CARS1: variants seen among roughly 807,000 people sequenced by gnomAD.
CARS1 encodes cysteinyl-tRNA synthetase 1.
A neutral mutation model predicts 106.2 loss-of-function variants in CARS1; 48 were observed. That is an observed-to-expected ratio of 0.45 (90% CI 0.36 to 0.57). The LOEUF is 0.57. Among genes scored for constraint, CARS1 ranks in the 20% least tolerant of loss-of-function variants. The probability of loss-of-function intolerance (pLI) is 0.00; values close to 1 mark genes in which losing one functional copy is unlikely to be tolerated. For missense variants in CARS1, 968 were observed against 1,057.2 expected (o/e 0.92, Z 1.17); for synonymous variants, 409 against 403.4 (o/e 1.01, Z -0.17).
chr11:3,050,345 C>T lies in CARS1; in HGVS notation c.26-2344G>A, dbSNP rs779189313. 2.0e-5 allele frequency among the ~76,000 whole-genome samples: 3 copies of T among 152,172 alleles called. No homozygotes were observed. Among genetic ancestry groups the T allele is most frequent in the African/African-American group, 4.8e-5 (2 of 41,434 alleles). On this transcript the variant is annotated intron_variant, in intron 1 of 22. Transcript: ENST00000380525. The surrounding 1 kb of genome is among the most constrained non-coding windows in gnomAD (Gnocchi z 6.3). The stretch of plus-strand genomic sequence containing the variant: ...GCCACCCACTCCAAGCAGCCACAGG[C>T]ACCCAGAAGCAAAGCTCTGGGCACA...
chr11:3,007,258 A>C (rs1849973158), intron 18 of CARS1: 2 of 441,120 alleles, frequency 4.5e-6, no homozygotes, highest in Admixed American at 4.0e-5. Flanking sequence ...GGCCGCCGGA[A>C]GCAGTTCTTC....
At position 3,038,098 on chromosome 11, in the gene CARS1, T is replaced by C. The variant is rs758655343; in HGVS notation, c.753A>G (p.Lys251=). The part of the protein sequence containing the change: ...AVQLATEPLE[K]AVQSRLTGEE... ...CTCCCGTGAGTCTGGACTGCACAGC[T>C]TTCTCAAGTGGCTCTGTGGCAAGCT... The change falls in exon 7 of 23, where the codon AAA becomes AAG. Residue 251 remains lysine, a synonymous_variant. Transcript: ENST00000380525. This position sits in a 1 kb window ranked among gnomAD's most constrained non-coding sequence, Gnocchi z 4.0. 1 of 1,614,214 alleles carries C rather than the reference T, an allele frequency of 6.2e-7. No individual in the cohort carries two copies. The highest frequency in any genetic ancestry group is 8.5e-7 in the Non-Finnish European group (1 of 1,180,018).
Position 3,040,499 on chromosome 11 carries a change from G to C in CARS1, c.455+397C>G. ...CTACAGCCATGACCATCCAGTGGTC[G>C]GGGGGCGGTCACAGCCAACCCAGCG... On this transcript the variant is annotated intron_variant, in intron 4 of 22. Coordinates refer to ENST00000380525, the MANE Select transcript of CARS1 (RefSeq NM_001014437.3). This position sits in a 1 kb window ranked among gnomAD's most constrained non-coding sequence, Gnocchi z 5.8. The C allele has an allele frequency of 8.5e-6, 4 of 473,196 alleles. No individual in the cohort carries two copies. The highest frequency in any genetic ancestry group is 4.6e-5 in the South Asian group (3 of 64,636). 29.3% of individuals were successfully genotyped at this position (473,196 alleles called of 1,614,324 possible).
chr11:3,002,162 C>G lies in CARS1; in HGVS notation c.2278-109G>C. ...AGCCCTCAACTTGCTTCCAAGCCCT[C>G]AGATTCAGAGTGCTATGAAAGATGG... is the stretch of plus-strand genomic sequence containing the variant. On this transcript the variant is annotated intron_variant, in intron 21 of 22. Transcript: ENST00000380525. The G allele has an allele frequency of 3.8e-6, 3 of 789,832 alleles. No individual in the cohort carries two copies. In the South Asian group the frequency reaches 4.5e-5, roughly 12 times the overall value. The allele number at this position is 789,832 out of a possible 1,614,324, so 48.9% of individuals were successfully genotyped here.
rs944422096 is a variant in CARS1, at chr11:3,048,920, C to G, written c.26-919G>C. Among the ~76,000 whole-genome samples, 1 of 152,164 alleles carries G rather than the reference C, an allele frequency of 6.6e-6. No individual in the cohort carries two copies. Among genetic ancestry groups the G allele is most frequent in the Non-Finnish European group, 1.5e-5 (1 of 68,020 alleles). Reference sequence around the variant, plus strand: ...ACCACTCAGGTGTGTCACTCAAGGACCCAAGAGCCACTGTTCCGCATGTCA... The same window carrying G: ...ACCACTCAGGTGTGTCACTCAAGGAGCCAAGAGCCACTGTTCCGCATGTCA... On this transcript the variant is annotated intron_variant, in intron 1 of 22. Transcript: ENST00000380525. The surrounding 1 kb of genome is among the most constrained non-coding windows in gnomAD (Gnocchi z 5.1).
chr11:3,041,658 ATCACTGGAG>A lies in CARS1; in HGVS notation c.366+498_366+506del, dbSNP rs1854471015. 6.6e-6 allele frequency among the ~76,000 whole-genome samples: 1 copy of A among 152,086 alleles called. No homozygotes were observed. Among genetic ancestry groups the A allele is most frequent in the Non-Finnish European group, 1.5e-5 (1 of 68,016 alleles). ...AGCCCCGCCCAGAGCCTGGTCTGAAATCACTGGAGTCACTGGCCATGCCCTGAGCCAAGC... is the reference window on the plus strand; with the variant it reads ...AGCCCCGCCCAGAGCCTGGTCTGAAATCACTGGCCATGCCCTGAGCCAAGC... On this transcript the variant is annotated intron_variant, in intron 3 of 22. Transcript: ENST00000380525. This position sits in a 1 kb window ranked among gnomAD's most constrained non-coding sequence, Gnocchi z 4.9.
intron 1 of CARS1, among the ~76,000 whole-genome samples, chr11:3,049,530 A>T (rs1254176576): frequency 6.6e-6 from 1 of 152,228 alleles, no homozygotes; most frequent in Non-Finnish European, 1.5e-5. Flanking sequence ...CCCTGAGCCC[A>T]TGAGCACAGG....
Position 3,017,809 on chromosome 11 carries a change from T to C in CARS1, c.1727+48A>G, listed in dbSNP as rs1181577136. On this transcript the variant is annotated intron_variant, in intron 15 of 22. Coordinates refer to ENST00000380525, the MANE Select transcript of CARS1 (RefSeq NM_001014437.3). This position sits in a 1 kb window ranked among gnomAD's most constrained non-coding sequence, Gnocchi z 4.9. ...GGTGGCCAAGATGCGAGGCTAGGCA[T>C]AGAACATGGGCATGCTCAAAAACCC... The C allele has an allele frequency of 2.3e-6, 3 of 1,290,780 alleles. No homozygotes were observed. Among genetic ancestry groups the C allele is most frequent in the East Asian group, 2.3e-5 (1 of 43,372 alleles). 80.0% of individuals were successfully genotyped at this position (1,290,780 alleles called of 1,614,324 possible).
Position 3,029,646 on chromosome 11 carries a change from T to C in CARS1, c.802-203A>G. The C allele has an allele frequency of 1.7e-6, 1 of 577,454 alleles. No homozygotes were observed. The highest frequency in any genetic ancestry group is 3.0e-6 in the Non-Finnish European group (1 of 330,482). The allele number at this position is 577,454 out of a possible 1,614,324, so 35.8% of individuals were successfully genotyped here. A position where few individuals can be genotyped will look rare whatever the true frequency, so the allele number is the denominator to read the frequency against. ...ATACAAGACTCTACAAATGGGCAGG[T>C]CTCACATGAACTCAGAGGAGCAAAG... is the stretch of plus-strand genomic sequence containing the variant. On this transcript the variant is annotated intron_variant, in intron 7 of 22. Transcript: ENST00000380525. This position sits in a 1 kb window ranked among gnomAD's most constrained non-coding sequence, Gnocchi z 5.9.
At chr11:3,010,840 C>A (rs7108154) in intron 18 of CARS1, among the ~76,000 whole-genome samples, 4,892 of 152,318 alleles carry the variant, frequency 0.032, 268 homozygotes, top group African/African-American at 0.11. Context: ...CTCCTAGAGG[C>A]TTGCTGGGTC....
At position 3,019,421 on chromosome 11, in the gene CARS1, C is replaced by A. The variant is rs555002322; in HGVS notation, c.1267-154G>T. Among the ~76,000 whole-genome samples, 2 of 152,244 alleles carry A rather than the reference C, an allele frequency of 1.3e-5. No individual in the cohort carries two copies. The highest frequency in any genetic ancestry group is 2.1e-4 in the South Asian group (1 of 4,818). ...ATGAAAAGACTAAGGGAAGGCTGGG[C>A]GAGATGGCTCACACCTGTAATCCCA... On this transcript the variant is annotated intron_variant, in intron 11 of 22. Coordinates refer to ENST00000380525, the MANE Select transcript of CARS1 (RefSeq NM_001014437.3). This position sits in a 1 kb window ranked among gnomAD's most constrained non-coding sequence, Gnocchi z 6.2.
In CARS1 at chr11:3,026,762, G is replaced by A. The variant is rs147127246; in HGVS notation, c.1067C>T (p.Ala356Val). ...VSNGSVYFDTAKFASSEKHSY... is the reference protein window; with the variant it reads ...VSNGSVYFDTVKFASSEKHSY... ...GTGCTTCTCGCTAGAAGCAAACTTC[G>A]CTGTATCAAAGTAGACAGACCCATT... Residue 356 changes from alanine to valine, a missense_variant, in exon 10 of 23, where the codon GCG becomes GTG. By Grantham distance (64) the Ala-to-Val change is moderately conservative. Transcript: ENST00000380525. 10 of 1,613,702 alleles carry A rather than the reference G, an allele frequency of 6.2e-6. No homozygotes were observed. Among genetic ancestry groups the A allele is most frequent in the South Asian group, 1.1e-5 (1 of 90,964 alleles).
At position 3,045,116 on chromosome 11, in the gene CARS1, T is replaced by C. The variant is rs534096456; in HGVS notation, c.274+2637A>G. ...CGGGCTGGAAGGGCTGAGCCTCCAC[T>C]GCGGGTGAGAAGTGCTCAACAAGTT... is the stretch of plus-strand genomic sequence containing the variant. On this transcript the variant is annotated intron_variant, in intron 2 of 22. Transcript: ENST00000380525. This position sits in a 1 kb window ranked among gnomAD's most constrained non-coding sequence, Gnocchi z 5.6. Among the ~76,000 whole-genome samples the C allele has an allele frequency of 9.9e-5, 15 of 152,212 alleles. No homozygotes were observed. Among genetic ancestry groups the C allele is most frequent in the African/African-American group, 3.4e-4 (14 of 41,538 alleles).
At chr11:3,057,109 G>C (rs1014236965) in intron 1 of CARS1, among the ~76,000 whole-genome samples, 1 of 151,932 alleles carries the variant, frequency 6.6e-6, no homozygotes, top group Non-Finnish European at 1.5e-5. Flanking sequence ...ACACCCCTCA[G>C]ACCCCGAGCA....
At position 3,030,952 on chromosome 11, in the gene CARS1, T is replaced by G. The variant is rs1276568510; in HGVS notation, c.802-1509A>C. Reference sequence around the variant, plus strand: ...ACAGAACTGAAGAAGTCATCCAAAATGAAACAGAGACAAGAAGGAAAATTT... The same window carrying G: ...ACAGAACTGAAGAAGTCATCCAAAAGGAAACAGAGACAAGAAGGAAAATTT... On this transcript the variant is annotated intron_variant, in intron 7 of 22. Transcript: ENST00000380525. This position sits in a 1 kb window ranked among gnomAD's most constrained non-coding sequence, Gnocchi z 5.7. 2 of 151,906 alleles carry G rather than the reference T, an allele frequency of 1.3e-5. No individual in the cohort carries two copies. The highest frequency in any genetic ancestry group is 4.8e-5 in the African/African-American group (2 of 41,306). The allele number at this position is 151,906 out of a possible 1,614,324, so 9.4% of individuals were successfully genotyped here. A position where few individuals can be genotyped will look rare whatever the true frequency, so the allele number is the denominator to read the frequency against.
Position 3,005,032 on chromosome 11 carries a change from A to G in CARS1, c.2217+334T>C, listed in dbSNP as rs183387169. On this transcript the variant is annotated intron_variant, in intron 20 of 22. Coordinates refer to ENST00000380525, the MANE Select transcript of CARS1 (RefSeq NM_001014437.3). ...CTGAGGCAGGAGAATCCCTTGAACC[A>G]GGGAAGTGGAGGTTGCAGTGAGCCA... is the stretch of plus-strand genomic sequence containing the variant. 5.6e-3 allele frequency among the ~76,000 whole-genome samples: 818 copies of G among 146,090 alleles called. 8 individuals carry two copies. Among genetic ancestry groups the G allele is most frequent in the Middle Eastern group, 0.027 (7 of 264 alleles).
chr11:3,054,680 C>G (rs564095261), intron 1 of CARS1, among the ~76,000 whole-genome samples: 1 of 152,224 alleles, frequency 6.6e-6, no homozygotes, highest in South Asian at 2.1e-4. Flanking sequence ...CTTGACTTCT[C>G]TGAACCTCAG....
intron 7 of CARS1, chr11:3,031,065 G>A (rs1457760433): frequency 6.6e-6 from 1 of 152,186 alleles, no homozygotes; most frequent in East Asian, 1.9e-4. Context: ...AGAGGAGAGA[G>A]GGAATCGAGT....
Position 3,037,827 on chromosome 11 carries a change from G to T in CARS1, c.801+223C>A, listed in dbSNP as rs929235314. 5.3e-5 allele frequency among the ~76,000 whole-genome samples: 8 copies of T among 151,878 alleles called. No homozygotes were observed. Among genetic ancestry groups the T allele is most frequent in the Non-Finnish European group, 5.9e-5 (4 of 67,928 alleles). On this transcript the variant is annotated intron_variant, in intron 7 of 22. Coordinates refer to ENST00000380525, the MANE Select transcript of CARS1 (RefSeq NM_001014437.3). The surrounding 1 kb of genome is among the most constrained non-coding windows in gnomAD (Gnocchi z 5.9). ...GTGGATCCCGAGTCTCCTTCCAGTGGCACAGGCTCTGCACCCAGGAAATGG... is the reference window on the plus strand; with the variant it reads ...GTGGATCCCGAGTCTCCTTCCAGTGTCACAGGCTCTGCACCCAGGAAATGG...
Sources: allele counts gnomAD v4.1 joint callset (sites outside exome capture counted in the v4.1 genomes callset), GRCh38; gene constraint gnomAD v4.1.1; non-coding constraint Gnocchi (gnomAD v3.1); transcripts MANE v1.5; gene names NCBI Gene and HGNC (gene_info 2026-07-23, HGNC 2026-07-21).